AGBL1: variants seen among roughly 807,000 people sequenced by gnomAD.
AGBL1 encodes AGBL carboxypeptidase 1.
AGBL1 carries 130 observed loss-of-function variants against 118.9 expected under a neutral mutation model. The ratio of observed to expected loss-of-function variants is 1.09; its 90% CI spans 0.95 to 1.26. The LOEUF (loss-of-function observed/expected upper bound fraction) is 1.26, where lower values mean the gene tolerates loss of function less well. AGBL1 is among the 50% of genes most tolerant of loss of function. The pLI, the probability that AGBL1 is intolerant of heterozygous loss-of-function variation, is 0.00. For synonymous variants in AGBL1, 555 were observed against 478.9 expected (o/e 1.16, Z -2.08); for missense variants, 1,584 against 1,298.1 (o/e 1.22, Z -3.38).
At chr15:86,362,377 AC>A (rs1178937407) in intron 17 of AGBL1, among the ~76,000 whole-genome samples, 1 of 152,094 alleles carries the variant, frequency 6.6e-6, no homozygotes. Flanking sequence ...CTATATACTT[AC>A]CTTTTACCAG....
At chr15:86,299,686 C>CT (rs1343602838) in intron 17 of AGBL1, 8 of 152,158 alleles carry the variant, frequency 5.3e-5, no homozygotes, top group African/African-American at 1.9e-4. Context: ...ATTTAGCCTA[C>CT]TTAAATCCTT....
chr15:86,247,728 A>G lies in AGBL1; in HGVS notation c.584A>G (p.His195Arg). 1 of 1,613,738 alleles carries G rather than the reference A, an allele frequency of 6.2e-7. No individual in the cohort carries two copies. Among genetic ancestry groups the G allele is most frequent in the Non-Finnish European group, 8.5e-7 (1 of 1,179,776 alleles). The change falls in exon 7 of 23, where the codon CAC (histidine) becomes CGC (arginine). Residue 195 changes from histidine to arginine, a missense_variant. Transcript: ENST00000614907. ...RGYVTSLLGL[H>R]QDWHSHDTAN... is the part of the protein sequence containing the mutation. ...TACGTCACCAGCCTGCTCGGGCTGC[A>G]CCAGGACTGGCACAGCCATGACACA... is the stretch of plus-strand genomic sequence containing the variant.
chr15:86,628,968 C>T (rs552657534), intron 21 of AGBL1, among the ~76,000 whole-genome samples: 1 of 152,208 alleles, frequency 6.6e-6, no homozygotes, highest in South Asian at 2.1e-4. Flanking sequence ...AGTCACCTTA[C>T]ATCGTTAACT....
At chr15:86,432,988 T>C (rs1266056102) in intron 18 of AGBL1, among the ~76,000 whole-genome samples, 1 of 152,144 alleles carries the variant, frequency 6.6e-6, no homozygotes, top group East Asian at 1.9e-4. Context: ...GGTCCAGTCC[T>C]GGTGATCATA....
chr15:86,683,458 C>T (rs147576942), intron 22 of AGBL1, among the ~76,000 whole-genome samples: 2 of 152,250 alleles, frequency 1.3e-5, no homozygotes, highest in East Asian at 3.9e-4. Context: ...AATGTTACCA[C>T]CTAATAACAA....
At chr15:86,571,689 A>G (rs1278349356) in intron 21 of AGBL1, among the ~76,000 whole-genome samples, 1 of 151,996 alleles carries the variant, frequency 6.6e-6, no homozygotes, top group Non-Finnish European at 1.5e-5. Flanking sequence ...GCTCAAGTCA[A>G]GGGATGGGGT....
chr15:86,603,673 C>A (rs1396219746), intron 21 of AGBL1, among the ~76,000 whole-genome samples: 1 of 152,146 alleles, frequency 6.6e-6, no homozygotes, highest in African/African-American at 2.4e-5. Context: ...TCTCTTCCCG[C>A]CCCCTCCATC....
At chr15:86,786,778 TTTG>T (rs1333822340) in intron 22 of AGBL1, among the ~76,000 whole-genome samples, 15 of 152,164 alleles carry the variant, frequency 9.9e-5, no homozygotes, top group African/African-American at 3.6e-4. Context: ...GCCCTTTAGT[TTTG>T]TTGTGTTAGA....
In AGBL1 at chr15:86,135,026, T is replaced by C. The variant is rs528458553; in HGVS notation, c.52-6978T>C. 1.5e-3 allele frequency among the ~76,000 whole-genome samples: 235 copies of C among 152,238 alleles called. 4 individuals are homozygous for C. The South Asian group carries it at 0.046, about 30-fold the overall frequency. On this transcript the variant is annotated intron_variant, in intron 1 of 22. Transcript: ENST00000614907. ...GAACCCCAATGTTGGAGTTGGGGCC[T>C]AATGGGGCGCTGGGGCCTTGCACAG...
At chr15:86,241,659 G>T (rs1244531883) in intron 6 of AGBL1, among the ~76,000 whole-genome samples, 1 of 152,134 alleles carries the variant, frequency 6.6e-6, no homozygotes, top group Non-Finnish European at 1.5e-5. Context: ...CTTTTAAAAG[G>T]TCCTTAATCT....
At chr15:86,235,429 A>G (rs1252223893) in intron 6 of AGBL1, among the ~76,000 whole-genome samples, 2 of 152,220 alleles carry the variant, frequency 1.3e-5, no homozygotes, top group African/African-American at 2.4e-5. Flanking sequence ...GATGAGTTCT[A>G]AATGTCTTAA....
chr15:86,787,614 G>A (rs1403321107), intron 22 of AGBL1, among the ~76,000 whole-genome samples: 1 of 152,060 alleles, frequency 6.6e-6, no homozygotes. Context: ...GCTGGATAAT[G>A]TTCCTTTGTA....
At chr15:86,095,234 G>A (rs1567050278) in intron 1 of AGBL1, among the ~76,000 whole-genome samples, 2 of 152,102 alleles carry the variant, frequency 1.3e-5, no homozygotes, top group African/African-American at 4.8e-5. Flanking sequence ...CATCATTTAA[G>A]GTTTTTATGT....
intron 23 of AGBL1, among the ~76,000 whole-genome samples, chr15:86,932,399 C>A (rs933204657): frequency 1.2e-4 from 19 of 152,324 alleles, no homozygotes; most frequent in African/African-American, 4.1e-4. Flanking sequence ...CAGTTCAGAT[C>A]TTTCAGGTTC....
At chr15:86,801,581 G>A (rs532620089) in intron 22 of AGBL1, among the ~76,000 whole-genome samples, 1 of 152,122 alleles carries the variant, frequency 6.6e-6, no homozygotes, top group African/African-American at 2.4e-5. Flanking sequence ...TCCCAAGAAC[G>A]TCTCTTGGCA....
At chr15:86,168,659 G>T (rs2077374449) in intron 5 of AGBL1, among the ~76,000 whole-genome samples, 1 of 152,176 alleles carries the variant, frequency 6.6e-6, no homozygotes, top group South Asian at 2.1e-4. Context: ...GATGTTTGTT[G>T]TGGGAAACAG....
At chr15:87,002,293 T>C (rs2081448411) in intron 24 of AGBL1, among the ~76,000 whole-genome samples, 1 of 152,148 alleles carries the variant, frequency 6.6e-6, no homozygotes, top group Middle Eastern at 3.4e-3. Flanking sequence ...GTTGTAGATG[T>C]GTGGTATTAT....
intron 22 of AGBL1, among the ~76,000 whole-genome samples, chr15:86,871,955 T>C (rs2079734752): frequency 6.6e-6 from 1 of 152,258 alleles, no homozygotes; most frequent in African/African-American, 2.4e-5. Context: ...CTTTGGTACA[T>C]ATGTTCACAT....
chr15:86,752,044 A>G lies in AGBL1; in HGVS notation c.3158+77608A>G, dbSNP rs143045837. 5.7e-3 allele frequency among the ~76,000 whole-genome samples: 870 copies of G among 152,210 alleles called. 6 individuals carry two copies. The highest frequency in any genetic ancestry group is 8.7e-3 in the Non-Finnish European group (589 of 67,990). ...TGGTTCAATTTGTTCTCTATATGGA[A>G]TAAATTAGCTTTCACCTTATGTCAT... On this transcript the variant is annotated intron_variant, in intron 22 of 22. Coordinates refer to ENST00000614907, the MANE Select transcript of AGBL1 (RefSeq NM_001386094.1).
Sources: gnomAD v4.1 joint callset for allele counts (sites outside exome capture counted in the v4.1 genomes callset) on GRCh38, gnomAD v4.1.1 for gene constraint, MANE v1.5 for transcripts, NCBI Gene and HGNC (gene_info 2026-07-23, HGNC 2026-07-21) for gene names.